KIAA1549L: variants seen among roughly 807,000 people sequenced by gnomAD.
KIAA1549L encodes UPF0606 protein KIAA1549L.
A neutral mutation model predicts 160.7 loss-of-function variants in KIAA1549L; 88 were observed. That is an observed-to-expected ratio of 0.55 (90% CI 0.46 to 0.65). The LOEUF is 0.65. KIAA1549L is among the 30% of genes least tolerant of loss of function. The pLI is 0.00. For missense variants in KIAA1549L, 2,258 were observed against 2,437.5 expected, an observed-to-expected ratio of 0.93 and a Z score of 1.55; for synonymous variants, 950 against 976.7, an observed-to-expected ratio of 0.97 and a Z score of 0.51.
At chr11:33,483,545 A>G (rs920601435) in intron 1 of KIAA1549L, among the ~76,000 whole-genome samples, 5 of 152,086 alleles carry the variant, frequency 3.3e-5, no homozygotes, top group Admixed American at 3.3e-4. Flanking sequence ...AGGCAGGCAT[A>G]TGTTTGCTGC....
chr11:33,425,375 A>C (rs763776387), intron 1 of KIAA1549L, among the ~76,000 whole-genome samples: 21 of 152,180 alleles, frequency 1.4e-4, no homozygotes, highest in Non-Finnish European at 2.4e-4. Context: ...GCAGTCATTG[A>C]GAATGTTCCT....
chr11:33,558,103 T>C (rs1365161379), intron 6 of KIAA1549L, among the ~76,000 whole-genome samples: 2 of 152,322 alleles, frequency 1.3e-5, no homozygotes, highest in East Asian at 1.9e-4. Flanking sequence ...ATAAATATTA[T>C]GTATCATTTT....
At chr11:33,660,428 A>G (rs2901374) in intron 19 of KIAA1549L, among the ~76,000 whole-genome samples, 57,905 of 151,840 alleles carry the variant, frequency 0.38, 11,259 homozygotes, top group East Asian at 0.52. Flanking sequence ...AGCCAGGCAC[A>G]GTGGCAGGCG....
chr11:33,400,191 C>T (rs1432090762), intron 1 of KIAA1549L, among the ~76,000 whole-genome samples: 1 of 152,130 alleles, frequency 6.6e-6, no homozygotes, highest in Non-Finnish European at 1.5e-5. Flanking sequence ...CACATATTTA[C>T]AAAACATGCA....
chr11:33,566,312 A>G (rs1855048177), intron 8 of KIAA1549L, among the ~76,000 whole-genome samples: 1 of 152,060 alleles, frequency 6.6e-6, no homozygotes, highest in Non-Finnish European at 1.5e-5. Context: ...TAGAAGTAAT[A>G]CTTCAGTCAT....
intron 1 of KIAA1549L, among the ~76,000 whole-genome samples, chr11:33,455,909 A>G (rs547700306): frequency 2.6e-5 from 4 of 152,338 alleles, no homozygotes; most frequent in African/African-American, 9.6e-5. Flanking sequence ...TTTCTCACAT[A>G]CATGTTCAGC....
chr11:33,397,073 C>T (rs1850391154), intron 1 of KIAA1549L, among the ~76,000 whole-genome samples: 1 of 151,270 alleles, frequency 6.6e-6, no homozygotes, highest in Admixed American at 6.6e-5. Context: ...TAGCTCACGC[C>T]TGCAATCCCA....
chr11:33,512,423 T>G (rs1853247650), intron 1 of KIAA1549L, among the ~76,000 whole-genome samples: 1 of 152,180 alleles, frequency 6.6e-6, no homozygotes, highest in African/African-American at 2.4e-5. Flanking sequence ...ATGTTCCAGG[T>G]AATTATTATT....
At chr11:33,444,564 A>G (rs180924606) in intron 1 of KIAA1549L, among the ~76,000 whole-genome samples, 126 of 152,304 alleles carry the variant, frequency 8.3e-4, no homozygotes, top group South Asian at 2.1e-4. Flanking sequence ...TTGTGTGTCT[A>G]TTTGCATTGT....
At chr11:33,572,262 C>T (rs529678081) in intron 9 of KIAA1549L, among the ~76,000 whole-genome samples, 25 of 152,098 alleles carry the variant, frequency 1.6e-4, no homozygotes, top group Non-Finnish European at 1.0e-4. Context: ...GTCTCGAACT[C>T]CTGACTTCAA....
At chr11:33,508,167 T>C (rs1381604957) in intron 1 of KIAA1549L, among the ~76,000 whole-genome samples, 1 of 152,158 alleles carries the variant, frequency 6.6e-6, no homozygotes, top group Non-Finnish European at 1.5e-5. Context: ...GGAACCTAAT[T>C]CCCACATAAA....
chr11:33,512,491 C>T (rs546486506), intron 1 of KIAA1549L, among the ~76,000 whole-genome samples: 8 of 152,280 alleles, frequency 5.3e-5, no homozygotes, highest in South Asian at 2.1e-4. Flanking sequence ...GGTGCAATCT[C>T]GGCTCACAGG....
intron 10 of KIAA1549L, among the ~76,000 whole-genome samples, chr11:33,575,849 G>A (rs989676154): frequency 2.0e-5 from 3 of 152,176 alleles, no homozygotes; most frequent in Admixed American, 2.0e-4. Context: ...GGAGACTAAG[G>A]CCTTGAATGA....
At chr11:33,423,292 C>G (rs761830076) in intron 1 of KIAA1549L, among the ~76,000 whole-genome samples, 36 of 152,024 alleles carry the variant, frequency 2.4e-4, no homozygotes, top group Non-Finnish European at 1.0e-4. Flanking sequence ...AAAATTGAGG[C>G]AAGAACACAC....
intron 1 of KIAA1549L, among the ~76,000 whole-genome samples, chr11:33,471,319 C>T (rs1216329933): frequency 1.3e-5 from 2 of 151,968 alleles, no homozygotes; most frequent in African/African-American, 4.8e-5. Context: ...AGTTCTTGCC[C>T]CATGTCACCC....
chr11:33,645,162 C>T (rs11032327), intron 16 of KIAA1549L, among the ~76,000 whole-genome samples: 22,817 of 152,208 alleles, frequency 0.15, 2,100 homozygotes, highest in East Asian at 0.23. Flanking sequence ...CTTCTGATTG[C>T]GTACCACGCT....
intron 1 of KIAA1549L, among the ~76,000 whole-genome samples, chr11:33,377,411 C>T (rs1849979394): frequency 6.6e-6 from 1 of 152,130 alleles, no homozygotes; most frequent in Non-Finnish European, 1.5e-5. Flanking sequence ...GGGATGCAGG[C>T]GCTCATTAAG....
rs561958595 is a variant in KIAA1549L, at chr11:33,478,734, T to A, written c.239-63068T>A. The stretch of plus-strand genomic sequence containing the variant: ...TTCTGAGGAGGTGCTATTATTTTTT[T>A]AAATTATTATTATTATGATTTTAGA... On this transcript the variant is annotated intron_variant, in intron 1 of 20. Transcript: ENST00000658780. 5.0e-4 allele frequency among the ~76,000 whole-genome samples: 76 copies of A among 152,344 alleles called. No individual in the cohort carries two copies. The South Asian group carries it at 6.6e-3, about 13-fold the overall frequency.
At position 33,543,202 on chromosome 11, in the gene KIAA1549L, G is replaced by T. The variant is rs1351775255; in HGVS notation, c.1639G>T (p.Val547Phe). The T allele has an allele frequency of 2.5e-5, 40 of 1,613,908 alleles. No homozygotes were observed. The highest frequency in any genetic ancestry group is 5.3e-5 in the African/African-American group (4 of 74,950). Residue 547 changes from valine to phenylalanine, a missense_variant, in exon 2 of 21, where the codon GTT becomes TTT. Transcript: ENST00000658780. The stretch of plus-strand genomic sequence containing the variant: ...TAGAGACTTGCTCCTCTCAAGCAAA[G>T]TTCCTAATCTTCTTTCCACATCTTG... ...ATRDLLLSSK[V>F]PNLLSTSWTF...
Sources: gnomAD v4.1 joint callset for allele counts (sites outside exome capture counted in the v4.1 genomes callset) on GRCh38, gnomAD v4.1.1 for gene constraint, MANE v1.5 for transcripts, NCBI Gene and HGNC (gene_info 2026-07-23, HGNC 2026-07-21) for gene names.